The following KRTAP12-2 variants were observed in gnomAD, a reference collection of about 807,000 sequenced individuals.
The protein encoded by KRTAP12-2 is keratin-associated protein 12-2.
For synonymous variants in KRTAP12-2, 73 were observed against 83.9 expected, an observed-to-expected ratio of 0.87 and a Z score of 0.71; for missense variants, 166 against 184.2, an observed-to-expected ratio of 0.90 and a Z score of 0.57.
chr21:44,666,415 C>G lies in KRTAP12-2; in HGVS notation c.*31G>C, dbSNP rs1555944690. 1 of 1,559,414 alleles carries G rather than the reference C, an allele frequency of 6.4e-7. No individual in the cohort carries two copies. The highest frequency in any genetic ancestry group is 2.2e-5 in the East Asian group (1 of 44,464). On this transcript the variant is annotated 3_prime_UTR_variant, in exon 1 of 1. Transcript: ENST00000360770. ...GAGTGTACAGGTGTGGCCTCATCTG[C>G]ACTGGGAGCAGCGGGTCTGGAGATT...
Position 44,666,268 on chromosome 21 carries a change from G to A in KRTAP12-2, c.*178C>T. 1.3e-6 allele frequency: 1 copy of A among 790,612 alleles called. No homozygotes were observed. Among genetic ancestry groups the A allele is most frequent in the South Asian group, 2.2e-5 (1 of 44,984 alleles). The allele number at this position is 790,612 out of a possible 1,614,324, so 49.0% of individuals were successfully genotyped here. A position where few individuals can be genotyped will look rare whatever the true frequency, so the allele number is the denominator to read the frequency against. Reference sequence around the variant, plus strand: ...GACCCCAGACTTCCCTGGGGGGATGGGCAAGGTCAGCAAGGGCTCCAGATC... The same window carrying A: ...GACCCCAGACTTCCCTGGGGGGATGAGCAAGGTCAGCAAGGGCTCCAGATC... On this transcript the variant is annotated 3_prime_UTR_variant, in exon 1 of 1. Transcript: ENST00000360770.
In KRTAP12-2 at chr21:44,666,775, C is replaced by G; in HGVS notation, c.112G>C (p.Val38Leu). 8.1e-6 allele frequency: 13 copies of G among 1,612,220 alleles called. No homozygotes were observed. The highest frequency in any genetic ancestry group is 1.1e-5 in the Non-Finnish European group (13 of 1,178,710). Residue 38 changes from valine (V) to leucine (L), a missense_variant, in exon 1 of 1, where the codon GTG (valine) becomes CTG (leucine). Physicochemically the swap from Val to Leu is conservative, Grantham distance 32. Transcript: ENST00000360770. ...SSCQASCCVP[V>L]GCQSSVCVPV... ...ACACACACGGAGGACTGGCAGCCCA[C>G]AGGCACACAGCAGGATGCCTGGCAG...
chr21:44,666,668 A>G lies in KRTAP12-2; in HGVS notation c.219T>C (p.Ala73=), dbSNP rs1410524760. ...ACTGGCAGCTCACGGGCACGCACAC[A>G]GCTGACTTGAAGCTCATGGGCACAC... The part of the protein sequence containing the change: ...SVCVPMSFKS[A]VCVPVSCQSS... The change falls in exon 1 of 1, where the codon GCT becomes GCC. Residue 73 remains alanine (A), a synonymous_variant. Transcript: ENST00000360770. The G allele has an allele frequency of 6.2e-7, 1 of 1,612,182 alleles. No homozygotes were observed. Among genetic ancestry groups the G allele is most frequent in the African/African-American group, 1.3e-5 (1 of 74,604 alleles).
At position 44,666,771 on chromosome 21, in the gene KRTAP12-2, C is replaced by G; in HGVS notation, c.116G>C (p.Gly39Ala). 1 of 1,612,326 alleles carries G rather than the reference C, an allele frequency of 6.2e-7. No homozygotes were observed. Among genetic ancestry groups the G allele is most frequent in the Non-Finnish European group, 8.5e-7 (1 of 1,178,830 alleles). Residue 39 changes from glycine to alanine, a missense_variant, in exon 1 of 1, where the codon GGC becomes GCC. Physicochemically the swap from Gly to Ala is moderately conservative, Grantham distance 60. Coordinates refer to ENST00000360770, the MANE Select transcript of KRTAP12-2 (RefSeq NM_181684.3). ...GGGCACACACACGGAGGACTGGCAG[C>G]CCACAGGCACACAGCAGGATGCCTG... is the stretch of plus-strand genomic sequence containing the variant. ...SCQASCCVPV[G>A]CQSSVCVPVS...
At position 44,666,642 on chromosome 21, in the gene KRTAP12-2, G is replaced by T; in HGVS notation, c.245C>A (p.Ser82Tyr). Residue 82 changes from serine (S) to tyrosine (Y), a missense_variant, in exon 1 of 1, where the codon TCT (serine) becomes TAT (tyrosine). Transcript: ENST00000360770. ...SAVCVPVSCQ[S>Y]SVCVPVSCRP... ...GCAGCTCACAGGCACACACACAGAAGACTGGCAGCTCACGGGCACGCACAC... is the reference window on the plus strand; with the variant it reads ...GCAGCTCACAGGCACACACACAGAATACTGGCAGCTCACGGGCACGCACAC... The T allele has an allele frequency of 6.2e-7, 1 of 1,613,594 alleles. No individual in the cohort carries two copies.
At position 44,666,406 on chromosome 21, in the gene KRTAP12-2, C is replaced by T. The variant is rs1555944688; in HGVS notation, c.*40G>A. 1 of 1,551,376 alleles carries T rather than the reference C, an allele frequency of 6.4e-7. No individual in the cohort carries two copies. The highest frequency in any genetic ancestry group is 2.3e-5 in the East Asian group (1 of 44,400). ...TCATCCAGGGAGTGTACAGGTGTGG[C>T]CTCATCTGCACTGGGAGCAGCGGGT... On this transcript the variant is annotated 3_prime_UTR_variant, in exon 1 of 1. Coordinates refer to ENST00000360770, the MANE Select transcript of KRTAP12-2 (RefSeq NM_181684.3).
rs1487542911 is a variant in KRTAP12-2, at chr21:44,666,795, T to C, written c.92A>G (p.Gln31Arg). The C allele has an allele frequency of 8.7e-6, 14 of 1,611,808 alleles. No homozygotes were observed. Among genetic ancestry groups the C allele is most frequent in the Non-Finnish European group, 1.2e-5 (14 of 1,178,592 alleles). Reference protein sequence around the residue: ...QPACCVPSSCQASCCVPVGCQ... With the variant: ...QPACCVPSSCRASCCVPVGCQ... ...GCCCACAGGCACACAGCAGGATGCC[T>C]GGCAGGAGCTGGGCACACAACAGGC... Residue 31 changes from glutamine (Q) to arginine (R), a missense_variant, in exon 1 of 1, where the codon CAG becomes CGG. Physicochemically the swap from Gln to Arg is conservative, Grantham distance 43. Coordinates refer to ENST00000360770, the MANE Select transcript of KRTAP12-2 (RefSeq NM_181684.3).
chr21:44,666,286 T>C lies in KRTAP12-2; in HGVS notation c.*160A>G, dbSNP rs1246010706. ...GGGGATGGGCAAGGTCAGCAAGGGCTCCAGATCATTCTGTCACATTCTCAA... is the reference window on the plus strand; with the variant it reads ...GGGGATGGGCAAGGTCAGCAAGGGCCCCAGATCATTCTGTCACATTCTCAA... On this transcript the variant is annotated 3_prime_UTR_variant, in exon 1 of 1. Transcript: ENST00000360770. The C allele has an allele frequency of 8.5e-6, 8 of 937,398 alleles. No homozygotes were observed. The highest frequency in any genetic ancestry group is 1.3e-5 in the Non-Finnish European group (8 of 633,896). The allele number at this position is 937,398 out of a possible 1,614,324, so 58.1% of individuals were successfully genotyped here. A position where few individuals can be genotyped will look rare whatever the true frequency, so the allele number is the denominator to read the frequency against.
At position 44,666,446 on chromosome 21, in the gene KRTAP12-2, T is replaced by A. The variant is rs782525235; in HGVS notation, c.441A>T (p.Ter147CysextTer2). Residue 147 changes from the stop codon to cysteine (C), a stop_lost, in exon 1 of 1, where the codon TGA becomes TGT. Transcript: ENST00000360770. Reference protein sequence around the residue: ...PISYSISSCC* With the variant: ...PISYSISSCCC ...GAGCAGCGGGTCTGGAGATTCATGCTCAGCAGCAGGAAGAGATACTGTAGG... is the reference window on the plus strand; with the variant it reads ...GAGCAGCGGGTCTGGAGATTCATGCACAGCAGCAGGAAGAGATACTGTAGG... The A allele has an allele frequency of 6.4e-7, 1 of 1,574,130 alleles. No homozygotes were observed. The highest frequency in any genetic ancestry group is 8.6e-7 in the Non-Finnish European group (1 of 1,158,216).
chr21:44,666,603 C>A lies in KRTAP12-2; in HGVS notation c.284G>T (p.Cys95Phe), dbSNP rs1555944790. The A allele has an allele frequency of 1.2e-6, 2 of 1,613,306 alleles. No individual in the cohort carries two copies. The highest frequency in any genetic ancestry group is 3.3e-5 in the Admixed American group (2 of 59,998). ...CVPVSCRPIV[C>F]AAPSCQSSLC... ...GGAGGACTGGCAGGAGGGGGCTGCA[C>A]ACACAATGGGCCTGCAGCTCACAGG... Residue 95 changes from cysteine (C) to phenylalanine (F), a missense_variant, in exon 1 of 1, where the codon TGT becomes TTT. Transcript: ENST00000360770.
In KRTAP12-2 at chr21:44,666,392, G is replaced by A. The variant is rs1163744025; in HGVS notation, c.*54C>T. On this transcript the variant is annotated 3_prime_UTR_variant, in exon 1 of 1. Transcript: ENST00000360770. ...GACCAACTGAGGACTCATCCAGGGA[G>A]TGTACAGGTGTGGCCTCATCTGCAC... 5 of 1,522,030 alleles carry A rather than the reference G, an allele frequency of 3.3e-6. No homozygotes were observed. In the African/African-American group the frequency reaches 4.1e-5, roughly 13 times the overall value. The allele number at this position is 1,522,030 out of a possible 1,614,324, so 94.3% of individuals were successfully genotyped here. A position where few individuals can be genotyped will look rare whatever the true frequency, so the allele number is the denominator to read the frequency against.
rs587601171 is a variant in KRTAP12-2, at chr21:44,666,893, G to A, written c.-7C>T. On this transcript the variant is annotated 5_prime_UTR_variant, in exon 1 of 1. The change creates a new upstream start codon in the 5' untranslated region. Transcript: ENST00000360770. ...AGCAGCTGGTATGACACATGGTGGC[G>A]TGTGGCTGGATAAGGTCGAGGCAGA... The A allele has an allele frequency of 5.8e-5, 94 of 1,612,448 alleles. 2 individuals carry two copies. The highest frequency in any genetic ancestry group is 5.0e-4 in the Middle Eastern group (3 of 6,042).
At position 44,666,394 on chromosome 21, in the gene KRTAP12-2, G is replaced by A. The variant is rs1446427218; in HGVS notation, c.*52C>T. 2.9e-5 allele frequency: 45 copies of A among 1,534,470 alleles called. No individual in the cohort carries two copies. The African/African-American group carries it at 5.6e-4, about 19-fold the overall frequency. On this transcript the variant is annotated 3_prime_UTR_variant, in exon 1 of 1. Transcript: ENST00000360770. ...CCAACTGAGGACTCATCCAGGGAGTGTACAGGTGTGGCCTCATCTGCACTG... is the reference window on the plus strand; with the variant it reads ...CCAACTGAGGACTCATCCAGGGAGTATACAGGTGTGGCCTCATCTGCACTG...
chr21:44,666,445 C>T lies in KRTAP12-2; in HGVS notation c.*1G>A. 4 of 1,573,582 alleles carry T rather than the reference C, an allele frequency of 2.5e-6. No homozygotes were observed. The highest frequency in any genetic ancestry group is 3.5e-6 in the Non-Finnish European group (4 of 1,157,956). The stretch of plus-strand genomic sequence containing the variant: ...GGAGCAGCGGGTCTGGAGATTCATG[C>T]TCAGCAGCAGGAAGAGATACTGTAG... On this transcript the variant is annotated 3_prime_UTR_variant, in exon 1 of 1. Transcript: ENST00000360770.
In KRTAP12-2 at chr21:44,666,794, C is replaced by T. The variant is rs782467238; in HGVS notation, c.93G>A (p.Gln31=). 2.5e-6 allele frequency: 4 copies of T among 1,612,002 alleles called. No homozygotes were observed. The East Asian group carries it at 8.9e-5, about 36-fold the overall frequency. Reference sequence around the variant, plus strand: ...AGCCCACAGGCACACAGCAGGATGCCTGGCAGGAGCTGGGCACACAACAGG... The same window carrying T: ...AGCCCACAGGCACACAGCAGGATGCTTGGCAGGAGCTGGGCACACAACAGG... ...QPACCVPSSC[Q]ASCCVPVGCQ... The change falls in exon 1 of 1, where the codon CAG becomes CAA. Residue 31 remains glutamine, a synonymous_variant. Transcript: ENST00000360770.
Sources: gnomAD v4.1 joint callset for allele counts on GRCh38, gnomAD v4.1.1 for gene constraint, MANE v1.5 for transcripts, NCBI Gene and HGNC (gene_info 2026-07-23, HGNC 2026-07-21) for gene names.